ALOX12: variants seen among roughly 807,000 people sequenced by gnomAD.
The protein encoded by ALOX12 is arachidonate 12-lipoxygenase, 12S type.
A neutral mutation model predicts 85.5 loss-of-function variants in ALOX12; 62 were observed. That is an observed-to-expected ratio of 0.73 (90% CI 0.59 to 0.90). The LOEUF (loss-of-function observed/expected upper bound fraction) is 0.90, where lower values mean the gene tolerates loss of function less well. ALOX12 is among the 40% of genes least tolerant of loss of function. The pLI is 0.00. For synonymous variants in ALOX12, 299 were observed against 332.7 expected (o/e 0.90, Z 1.10); for missense variants, 751 against 856.5 (o/e 0.88, Z 1.54).
intron 9 of ALOX12, 131 bp downstream of exon 9, chr17:7,005,474 C>CTTT (rs35201122): frequency 0.018 from 3,957 of 222,192 alleles, 47 homozygotes; most frequent in African/African-American, 0.031. Context: ...ATACCCATGT[C>CTTT]TTTTTTTTTT....
rs1908565973 is a variant in ALOX12, at chr17:6,998,724, C to T, written c.429C>T (p.Thr143=). 1 of 1,613,956 alleles carries T rather than the reference C, an allele frequency of 6.2e-7. No individual in the cohort carries two copies. Among genetic ancestry groups the T allele is most frequent in the Non-Finnish European group, 8.5e-7 (1 of 1,180,026 alleles). ...KDRQQIYCWA[T]WKEGLPLTIA... is the part of the protein sequence containing the mutation. ...TGTCCCCAACTCCTAGCTGGGCCACCTGGAAGGAAGGGTTACCCCTGACCA... is the reference window on the plus strand; with the variant it reads ...TGTCCCCAACTCCTAGCTGGGCCACTTGGAAGGAAGGGTTACCCCTGACCA... The change falls in exon 4 of 14, where the codon ACC becomes ACT. Residue 143 remains threonine (T), a synonymous_variant. Transcript: ENST00000251535.
intron 7 of ALOX12, chr17:7,001,360 G>GT (rs916396487): frequency 1.8e-6 from 1 of 546,632 alleles, no homozygotes; most frequent in African/African-American, 1.9e-5. Context: ...AAAGCAGCAG[G>GT]TTTCTCCCAC....
At chr17:7,001,308 T>A in intron 7 of ALOX12, 1 of 433,126 alleles carries the variant, frequency 2.3e-6, no homozygotes. Context: ...TTACACCTCC[T>A]ACTTCTCCTT....
rs1241496478 is a variant in ALOX12 at position 7,010,359 on chromosome 17, A to G, written c.1928A>G (p.Glu643Gly). The G allele has an allele frequency of 3.7e-6, 6 of 1,614,126 alleles. No individual in the cohort carries two copies. The highest frequency in any genetic ancestry group is 1.3e-5 in the African/African-American group (1 of 74,942). The stretch of plus-strand genomic sequence containing the variant: ...GAAAAGGAGATTACAGCCCGGAATG[A>G]GCAACTTGACTGGCCCTATGAATAT... ...KLEKEITARN[E>G]QLDWPYEYLK... The change falls in exon 14 of 14, where the codon GAG becomes GGG. Residue 643 changes from glutamate (E) to glycine (G), a missense_variant. Transcript: ENST00000251535.
intron 9 of ALOX12, 31 bp downstream of exon 9, chr17:7,005,374 C>T: frequency 6.4e-7 from 1 of 1,553,576 alleles, no homozygotes; most frequent in Non-Finnish European, 8.9e-7. Flanking sequence ...GGGACTGCCT[C>T]ATCCATCTCT....
intron 5 of ALOX12, 108 bp downstream of exon 5, chr17:6,999,164 T>TG (rs1457415470): frequency 6.8e-7 from 1 of 1,473,826 alleles, no homozygotes; most frequent in East Asian, 2.3e-5. Context: ...TTATCATATC[T>TG]GGTCAACTCA....
intron 8 of ALOX12, chr17:7,002,236 T>C (rs1908746657): frequency 3.0e-6 from 1 of 327,896 alleles, no homozygotes; most frequent in South Asian, 2.4e-5. Context: ...AATTGAGGAG[T>C]CAGCTAAGTA....
At chr17:7,009,185 G>A (rs1461709109) in intron 11 of ALOX12, among the ~76,000 whole-genome samples, 14 of 151,176 alleles carry the variant, frequency 9.3e-5, no homozygotes, top group African/African-American at 2.2e-4. Flanking sequence ...TCAGCCTCCC[G>A]AGTACCTGGG....
chr17:7,000,880 T>C lies in ALOX12; in HGVS notation c.951+401T>C, dbSNP rs1287815633. Among the ~76,000 whole-genome samples, 1 of 152,088 alleles carries C rather than the reference T, an allele frequency of 6.6e-6. No homozygotes were observed. Among genetic ancestry groups the C allele is most frequent in the Admixed American group, 6.5e-5 (1 of 15,268 alleles). Reference sequence around the variant, plus strand: ...CCAGTTCAGGACTACACTTTCAGAATCACTATCTCATCTCTCAGTGGCCTC... The same window carrying C: ...CCAGTTCAGGACTACACTTTCAGAACCACTATCTCATCTCTCAGTGGCCTC... On this transcript the variant is annotated intron_variant, in intron 7 of 13. Transcript: ENST00000251535. The surrounding 1 kb of genome is among the most constrained non-coding windows in gnomAD (Gnocchi z 4.6).
In ALOX12 at chr17:6,997,032, G is replaced by A. The variant is rs1258361531; in HGVS notation, c.337+5G>A. 22 of 1,533,660 alleles carry A rather than the reference G, an allele frequency of 1.4e-5. No homozygotes were observed. The highest frequency in any genetic ancestry group is 2.0e-5 in the Admixed American group (1 of 50,764). ...TGAGCCTGCCCGAGGGCACCGGTGA[G>A]CAGGCGGCGTCGGGGAAGGAGGCAC... On this transcript the variant is annotated splice_donor_5th_base_variant and intron_variant, in intron 2 of 13. Coordinates refer to ENST00000251535, the MANE Select transcript of ALOX12 (RefSeq NM_000697.3).
At position 6,996,990 on chromosome 17, in the gene ALOX12, G is replaced by A. The variant is rs969368935; in HGVS notation, c.300G>A (p.Val100=). ...AEVAFPCYRW[V]QGEDILSLPE... ...TGGCCTTCCCGTGCTACCGCTGGGT[G>A]CAGGGCGAGGACATCCTGAGCCTGC... is the stretch of plus-strand genomic sequence containing the variant. Residue 100 remains valine, a synonymous_variant, in exon 2 of 14, where the codon GTG becomes GTA. Transcript: ENST00000251535. 1.9e-6 allele frequency: 3 copies of A among 1,564,486 alleles called. No individual in the cohort carries two copies. Among genetic ancestry groups the A allele is most frequent in the African/African-American group, 2.7e-5 (2 of 73,850 alleles).
At chr17:7,006,062 G>GTA in intron 10 of ALOX12, 35 bp downstream of exon 10, 2 of 171,078 alleles carry the variant, frequency 1.2e-5, no homozygotes, top group South Asian at 8.7e-5. Flanking sequence ...GGTGGGGCCG[G>GTA]GGGGGGGGGG....
At chr17:6,998,291 C>A (rs1908546892) in intron 2 of ALOX12, among the ~76,000 whole-genome samples, 1 of 151,976 alleles carries the variant, frequency 6.6e-6, no homozygotes, top group Admixed American at 6.6e-5. Flanking sequence ...TATCTACAGG[C>A]AAAGGATGAG....
At chr17:6,998,389 A>G in intron 2 of ALOX12, 120 bp from the exon 3 acceptor site, 1 of 689,020 alleles carries the variant, frequency 1.5e-6, no homozygotes, top group Admixed American at 2.6e-5. Context: ...AAAGCCAGAG[A>G]TAAAAGCAAC....
At position 7,001,687 on chromosome 17, in the gene ALOX12, G is replaced by A. The variant is rs1347154040; in HGVS notation, c.1037G>A (p.Trp346Ter). The A allele has an allele frequency of 1.2e-6, 2 of 1,614,018 alleles. No homozygotes were observed. Among genetic ancestry groups the A allele is most frequent in the African/African-American group, 1.3e-5 (1 of 74,882 alleles). Residue 346 changes from tryptophan to a stop codon, truncating the protein, a stop_gained, in exon 8 of 14, where the codon TGG becomes TAG. Coordinates refer to ENST00000251535, the MANE Select transcript of ALOX12 (RefSeq NM_000697.3). LOFTEE classifies it high-confidence loss of function. Reference sequence around the variant, plus strand: ...CTTGCCTGGCTCCTGGCAAAGTCCTGGGTCCGAAATTCAGATTTCCAACTG... The same window carrying A: ...CTTGCCTGGCTCCTGGCAAAGTCCTAGGTCCGAAATTCAGATTTCCAACTG... Reference protein sequence around the residue: ...PPLAWLLAKSWVRNSDFQLHE... With the variant: ...PPLAWLLAKS
At chr17:7,003,476 G>C (rs944267673) in intron 8 of ALOX12, among the ~76,000 whole-genome samples, 8 of 152,076 alleles carry the variant, frequency 5.3e-5, no homozygotes, top group Admixed American at 2.0e-4. Context: ...ACCCAGGCTG[G>C]AGTCCAGTGG....
chr17:7,009,690 C>G (rs1909285430), intron 11 of ALOX12, 57 bp from the exon 12 acceptor site: 9 of 1,439,012 alleles, frequency 6.3e-6, no homozygotes, highest in Middle Eastern at 3.5e-4. Flanking sequence ...AAAACAACAG[C>G]CTTTGTTCCT....
rs762036523 is a variant in ALOX12, at chr17:7,010,196, T to C, written c.1813-48T>C. 1.3e-5 allele frequency: 21 copies of C among 1,600,822 alleles called. No homozygotes were observed. In the South Asian group the frequency reaches 2.2e-4, roughly 17 times the overall value. On this transcript the variant is annotated intron_variant, in intron 13 of 13. Transcript: ENST00000251535. ...AACATCAGAGTGAGGGGCTGGGCTCTAGGTGCGTTTGTCTTTAGAAACTGA... is the reference window on the plus strand; with the variant it reads ...AACATCAGAGTGAGGGGCTGGGCTCCAGGTGCGTTTGTCTTTAGAAACTGA...
rs758433028 is a variant in ALOX12, at chr17:7,010,113, G to A, written c.1799G>A (p.Arg600His). The A allele has an allele frequency of 3.7e-6, 6 of 1,611,434 alleles. No individual in the cohort carries two copies. Among genetic ancestry groups the A allele is most frequent in the East Asian group, 4.5e-5 (2 of 44,860 alleles). Reference protein sequence around the residue: ...QMAISWHLSRRQPDMVPLGHH... With the variant: ...QMAISWHLSRHQPDMVPLGHH... The stretch of plus-strand genomic sequence containing the variant: ...GCCATCTCATGGCATCTGAGTCGCC[G>A]CCAGCCAGACATGGTGAGAGGGGAC... The change falls in exon 13 of 14, where the codon CGC becomes CAC. Residue 600 changes from arginine (R) to histidine (H), a missense_variant. By Grantham distance (29) the Arg-to-His change is conservative. Coordinates refer to ENST00000251535, the MANE Select transcript of ALOX12 (RefSeq NM_000697.3).
Sources: gnomAD v4.1 joint callset for allele counts (sites outside exome capture counted in the v4.1 genomes callset) on GRCh38, gnomAD v4.1.1 for gene constraint, Gnocchi (gnomAD v3.1) non-coding constraint, MANE v1.5 for transcripts, NCBI Gene and HGNC (gene_info 2026-07-23, HGNC 2026-07-21) for gene names.